SNTG1: variants seen among roughly 807,000 people sequenced by gnomAD.
The protein encoded by SNTG1 is syntrophin gamma 1, also known as gamma-1-syntrophin.
A neutral mutation model predicts 74.7 loss-of-function variants in SNTG1; 39 were observed. The observed-to-expected ratio is 0.52, with a 90% CI of 0.40 to 0.68. The LOEUF is 0.68. SNTG1 is among the 30% of genes least tolerant of loss of function. The pLI is 0.00. For synonymous variants in SNTG1, 254 were observed against 217.1 expected, an observed-to-expected ratio of 1.17 and a Z score of -1.49; for missense variants, 685 against 609.5, an observed-to-expected ratio of 1.12 and a Z score of -1.30.
chr8:50,715,147 G>C (rs919894441), intron 17 of SNTG1, among the ~76,000 whole-genome samples: 2 of 152,166 alleles, frequency 1.3e-5, no homozygotes, highest in Admixed American at 1.3e-4. Context: ...CCACACCTGA[G>C]ACCTAGCATT....
intron 1 of SNTG1, among the ~76,000 whole-genome samples, chr8:50,126,566 T>C (rs1369833809): frequency 6.6e-6 from 1 of 152,030 alleles, no homozygotes; most frequent in Non-Finnish European, 1.5e-5. Flanking sequence ...TTGGGACATG[T>C]GTTTTATATA....
intron 17 of SNTG1, among the ~76,000 whole-genome samples, chr8:50,712,175 C>T (rs2095463344): frequency 6.6e-6 from 1 of 152,094 alleles, no homozygotes; most frequent in South Asian, 2.1e-4. Flanking sequence ...CAGACGTTTC[C>T]TTGAAGTGGA....
intron 2 of SNTG1, among the ~76,000 whole-genome samples, chr8:50,343,847 A>G (rs1054436335): frequency 1.3e-5 from 2 of 152,240 alleles, no homozygotes; most frequent in Non-Finnish European, 2.9e-5. Context: ...TTCTTCCAGC[A>G]TATTTTCCAG....
At chr8:50,396,415 C>T (rs1296365659) in intron 3 of SNTG1, among the ~76,000 whole-genome samples, 1 of 152,126 alleles carries the variant, frequency 6.6e-6, no homozygotes, top group Non-Finnish European at 1.5e-5. Flanking sequence ...GGTGCCAGGA[C>T]TCGAATAATG....
At chr8:50,702,386 G>GCAT (rs2095429240) in intron 15 of SNTG1, among the ~76,000 whole-genome samples, 1 of 152,080 alleles carries the variant, frequency 6.6e-6, no homozygotes, top group African/African-American at 2.4e-5. Context: ...AGCTTTCTGA[G>GCAT]CATCTACTGG....
intron 15 of SNTG1, among the ~76,000 whole-genome samples, chr8:50,675,498 T>C (rs1016510611): frequency 1.3e-5 from 2 of 151,938 alleles, no homozygotes; most frequent in Non-Finnish European, 2.9e-5. Context: ...CTTTTTTTTT[T>C]CCATCTCCTT....
chr8:50,548,983 C>T (rs1280127049), intron 11 of SNTG1, among the ~76,000 whole-genome samples: 1 of 152,096 alleles, frequency 6.6e-6, no homozygotes, highest in African/African-American at 2.4e-5. Context: ...TGTTAACTGA[C>T]TTGCAAGGAC....
At chr8:50,606,229 T>C (rs2094811487) in intron 13 of SNTG1, among the ~76,000 whole-genome samples, 1 of 152,186 alleles carries the variant, frequency 6.6e-6, no homozygotes. Context: ...TGAAATTGCA[T>C]TGAATCTTTA....
intron 1 of SNTG1, among the ~76,000 whole-genome samples, chr8:49,972,331 G>A (rs1363715568): frequency 1.3e-5 from 2 of 152,112 alleles, no homozygotes; most frequent in Non-Finnish European, 2.9e-5. Flanking sequence ...AGCTGAAACT[G>A]GATCCCTTCC....
intron 11 of SNTG1, among the ~76,000 whole-genome samples, chr8:50,550,924 A>T (rs1047925305): frequency 5.9e-5 from 9 of 152,166 alleles, no homozygotes; most frequent in African/African-American, 1.9e-4. Context: ...TGAGACAATA[A>T]TTCTATGTGG....
At chr8:50,145,991 A>T (rs1469996788) in intron 1 of SNTG1, among the ~76,000 whole-genome samples, 1 of 151,748 alleles carries the variant, frequency 6.6e-6, no homozygotes, top group East Asian at 1.9e-4. Flanking sequence ...AAAGAATGTT[A>T]GGTGGAAACT....
chr8:50,230,414 A>G lies in SNTG1; in HGVS notation c.-28+57779A>G, dbSNP rs371859799. ...AAAACCAAAAGTACATTAAGGGAGT[A>G]ATACTATATGTATAGCTTTACACAT... is the stretch of plus-strand genomic sequence containing the variant. On this transcript the variant is annotated intron_variant, in intron 2 of 18. Transcript: ENST00000642720. Among the ~76,000 whole-genome samples, 19 of 151,484 alleles carry G rather than the reference A, an allele frequency of 1.3e-4. 1 individual carries two copies. The highest frequency in any genetic ancestry group is 4.6e-4 in the African/African-American group (19 of 41,512).
chr8:50,689,964 G>C (rs1321204637), intron 15 of SNTG1, among the ~76,000 whole-genome samples: 1 of 152,050 alleles, frequency 6.6e-6, no homozygotes, highest in Non-Finnish European at 1.5e-5. Context: ...ACTTCTTCCT[G>C]GTTTAGTCTT....
intron 5 of SNTG1, among the ~76,000 whole-genome samples, chr8:50,444,764 A>AAAAAAGG (rs71233494): frequency 7.1e-6 from 1 of 140,240 alleles, no homozygotes; most frequent in African/African-American, 2.7e-5. Flanking sequence ...AAAAAAAAAA[A>AAAAAAGG]AAAGAAAGAG....
chr8:50,133,873 G>A (rs185220999), intron 1 of SNTG1, among the ~76,000 whole-genome samples: 250 of 152,240 alleles, frequency 1.6e-3, no homozygotes, highest in Middle Eastern at 3.4e-3. Flanking sequence ...ACTTCAATAT[G>A]TCTTTTTGAA....
chr8:50,631,353 T>C (rs2094996017), intron 13 of SNTG1, among the ~76,000 whole-genome samples: 1 of 152,210 alleles, frequency 6.6e-6, no homozygotes, highest in Admixed American at 6.5e-5. Context: ...TGGAACACCA[T>C]TTCTTCATAG....
intron 15 of SNTG1, among the ~76,000 whole-genome samples, chr8:50,671,107 C>A (rs1412159887): frequency 2.6e-5 from 4 of 151,794 alleles, no homozygotes; most frequent in African/African-American, 7.3e-5. Flanking sequence ...AAAACCTAGG[C>A]ATTACCATTC....
chr8:50,369,392 T>C (rs1587349529), intron 2 of SNTG1, among the ~76,000 whole-genome samples: 1 of 150,718 alleles, frequency 6.6e-6, no homozygotes, highest in African/African-American at 2.4e-5. Context: ...AGGTTGAGAG[T>C]TCGAGACGAG....
chr8:49,945,630 C>T (rs1463534603), intron 1 of SNTG1, among the ~76,000 whole-genome samples: 1 of 152,182 alleles, frequency 6.6e-6, no homozygotes, highest in Non-Finnish European at 1.5e-5. Context: ...TCGCTGGGTT[C>T]ATGCACTTTG....
Sources: allele counts gnomAD v4.1 joint callset (sites outside exome capture counted in the v4.1 genomes callset), GRCh38; gene constraint gnomAD v4.1.1; transcripts MANE v1.5; gene names NCBI Gene and HGNC (gene_info 2026-07-23, HGNC 2026-07-21).